Variants in TUBGCP3 observed in about 807,000 individuals in gnomAD.
The protein encoded by TUBGCP3 is tubulin gamma complex component 3.
In TUBGCP3, 50 loss-of-function variants were observed where a neutral mutation model predicts 123.1. That is an observed-to-expected ratio of 0.41 (90% CI 0.32 to 0.51). The LOEUF (loss-of-function observed/expected upper bound fraction) is 0.51, where lower values mean the gene tolerates loss of function less well. Among genes scored for constraint, TUBGCP3 ranks in the 20% least tolerant of loss-of-function variants. The probability of loss-of-function intolerance (pLI) is 0.36; values close to 1 mark genes in which losing one functional copy is unlikely to be tolerated. For synonymous variants in TUBGCP3, 405 were observed against 413.9 expected, an observed-to-expected ratio of 0.98 and a Z score of 0.26; for missense variants, 882 against 1,127.0, an observed-to-expected ratio of 0.78 and a Z score of 3.11.
chr13:112,588,035 G>A lies in TUBGCP3; in HGVS notation c.-55C>T, dbSNP rs1423686294. 10 of 1,356,134 alleles carry A rather than the reference G, an allele frequency of 7.4e-6. No homozygotes were observed. Among genetic ancestry groups the A allele is most frequent in the South Asian group, 1.6e-5 (1 of 63,004 alleles). 84.0% of individuals were successfully genotyped at this position (1,356,134 alleles called of 1,614,324 possible). On this transcript the variant is annotated 5_prime_UTR_variant, in exon 1 of 22. Coordinates refer to ENST00000261965, the MANE Select transcript of TUBGCP3 (RefSeq NM_006322.6). ...GGCAGAGCCGCCACTGCCGCCGCAC[G>A]CGCAGGGACCGCGGCCCGCGCCCTT...
At chr13:112,561,753 G>A (rs1312859423) in intron 3 of TUBGCP3, among the ~76,000 whole-genome samples, 2 of 152,196 alleles carry the variant, frequency 1.3e-5, no homozygotes, top group African/African-American at 2.4e-5. Flanking sequence ...TAGGTGAAGG[G>A]AAAGACGGCA....
At chr13:112,550,436 G>C (rs1441123335) in intron 8 of TUBGCP3, among the ~76,000 whole-genome samples, 1 of 152,070 alleles carries the variant, frequency 6.6e-6, no homozygotes, top group Non-Finnish European at 1.5e-5. Context: ...TAATTTTGTA[G>C]ACACAAAAGG....
chr13:112,576,391 G>A (rs1258456584), intron 1 of TUBGCP3, among the ~76,000 whole-genome samples: 1 of 152,146 alleles, frequency 6.6e-6, no homozygotes, highest in Admixed American at 6.6e-5. Context: ...GCAGTCATGG[G>A]TGAATGAGTT....
intron 1 of TUBGCP3, among the ~76,000 whole-genome samples, chr13:112,585,617 C>G (rs930047312): frequency 2.0e-5 from 3 of 151,992 alleles, no homozygotes; most frequent in Non-Finnish European, 4.4e-5. Flanking sequence ...ACTAAAAACA[C>G]AAAAATTAGC....
At chr13:112,584,109 C>G (rs767027805) in intron 1 of TUBGCP3, 1 of 152,244 alleles carries the variant, frequency 6.6e-6, no homozygotes, top group Non-Finnish European at 1.5e-5. Flanking sequence ...TTATCAGGTT[C>G]TTGTGAAATC....
the TUBGCP3 span, chr13:112,605,139 T>C: frequency 6.6e-6 from 1 of 152,032 alleles, no homozygotes; most frequent in Non-Finnish European, 1.5e-5. Flanking sequence ...AAACCCCGTT[T>C]CTACTAAAAA....
chr13:112,558,228 G>T lies in TUBGCP3; in HGVS notation c.516C>A (p.Gly172=), dbSNP rs200060541. 6.2e-6 allele frequency: 10 copies of T among 1,611,998 alleles called. No individual in the cohort carries two copies. The East Asian group carries it at 2.2e-4, about 36-fold the overall frequency. The change falls in exon 5 of 22, where the codon GGC becomes GGA. Residue 172 remains glycine, a synonymous_variant. Transcript: ENST00000261965. ...ISSIGLCALS[G]PAPAPQSLLP... The stretch of plus-strand genomic sequence containing the variant: ...GGAGAGATTGTGGCGCAGGCGCGGG[G>T]CCACTGAGGGCACACAGGCCAATGC...
At chr13:112,587,629 C>A (rs1201798850) in intron 1 of TUBGCP3, among the ~76,000 whole-genome samples, 1 of 152,130 alleles carries the variant, frequency 6.6e-6, no homozygotes, top group African/African-American at 2.4e-5. Flanking sequence ...TCCGCCCTCC[C>A]GCCTCCCGCC....
chr13:112,497,775 G>A (rs767933235), intron 20 of TUBGCP3, among the ~76,000 whole-genome samples: 22 of 152,158 alleles, frequency 1.4e-4, no homozygotes, highest in Non-Finnish European at 2.8e-4. Flanking sequence ...TAACACAATG[G>A]TAAGTATTGT....
At chr13:112,577,725 G>A (rs1881939554) in intron 1 of TUBGCP3, among the ~76,000 whole-genome samples, 1 of 152,170 alleles carries the variant, frequency 6.6e-6, no homozygotes, top group South Asian at 2.1e-4. Flanking sequence ...CAATTTTTCT[G>A]TAAGTCTATC....
intron 17 of TUBGCP3, among the ~76,000 whole-genome samples, chr13:112,513,585 TG>T (rs1881817419): frequency 6.6e-6 from 1 of 152,236 alleles, no homozygotes; most frequent in Non-Finnish European, 1.5e-5. Flanking sequence ...TGGCAGCTGT[TG>T]ATGGGAGCTC....
chr13:112,568,598 C>T (rs747663861), intron 2 of TUBGCP3, among the ~76,000 whole-genome samples: 24 of 152,258 alleles, frequency 1.6e-4, no homozygotes, highest in Admixed American at 9.8e-4. Context: ...AGACCCAAGG[C>T]CAACATCTAC....
intron 21 of TUBGCP3, among the ~76,000 whole-genome samples, chr13:112,487,974 A>C (rs568329963): frequency 2.0e-5 from 3 of 152,056 alleles, no homozygotes; most frequent in East Asian, 3.9e-4. Context: ...TCTACTAAAA[A>C]TACAACAATT....
chr13:112,518,229 CCT>C (rs1048659940), intron 16 of TUBGCP3, among the ~76,000 whole-genome samples: 12 of 152,014 alleles, frequency 7.9e-5, no homozygotes, highest in Admixed American at 5.9e-4. Flanking sequence ...TGATATGCAC[CCT>C]GAGAGGCGGG....
chr13:112,526,390 A>T (rs892611997), intron 13 of TUBGCP3, among the ~76,000 whole-genome samples: 2 of 150,568 alleles, frequency 1.3e-5, no homozygotes, highest in African/African-American at 4.9e-5. Flanking sequence ...CATTACCACC[A>T]TCATCACCAT....
Position 112,519,935 on chromosome 13 carries a change from T to C in TUBGCP3, c.1832A>G (p.Gln611Arg). The C allele has an allele frequency of 6.2e-7, 1 of 1,614,048 alleles. No homozygotes were observed. The highest frequency in any genetic ancestry group is 8.5e-7 in the Non-Finnish European group (1 of 1,179,882). Residue 611 changes from glutamine (Q) to arginine (R), a missense_variant, in exon 15 of 22, where the codon CAG becomes CGG. Gln to Arg is a conservative substitution (Grantham distance 43). Around this residue, in one of 3 missense-constraint regions of TUBGCP3, gnomAD observed 713 missense variants for 874.0 expected, o/e 0.82. Transcript: ENST00000261965. The surrounding 1 kb of genome is among the most constrained non-coding windows in gnomAD (Gnocchi z 6.2). ...TCGCAGGATCTCAGGACTGTCAAAC[T>C]GTGCGTTGGTGGCTCTGACAGCGGT... ...LETAVRATNA[Q>R]FDSPEILRRL... is the part of the protein sequence containing the mutation.
chr13:112,488,445 C>T (rs558798374), intron 21 of TUBGCP3, among the ~76,000 whole-genome samples: 81 of 152,334 alleles, frequency 5.3e-4, no homozygotes, highest in Non-Finnish European at 9.1e-4. Context: ...CCCAGCCTTC[C>T]GGGGTCTACA....
intron 16 of TUBGCP3, among the ~76,000 whole-genome samples, chr13:112,517,945 A>G (rs940392601): frequency 7.2e-5 from 11 of 152,184 alleles, no homozygotes; most frequent in African/African-American, 2.7e-4. Flanking sequence ...TGCTTTTTGC[A>G]TTGTAACTAT....
At position 112,519,520 on chromosome 13, in the gene TUBGCP3, G is replaced by A. The variant is rs761199218; in HGVS notation, c.1881+366C>T. On this transcript the variant is annotated intron_variant, in intron 15 of 21. Coordinates refer to ENST00000261965, the MANE Select transcript of TUBGCP3 (RefSeq NM_006322.6). The surrounding 1 kb of genome is among the most constrained non-coding windows in gnomAD (Gnocchi z 6.2). The stretch of plus-strand genomic sequence containing the variant: ...CATCCATTTTCTGATAAATACCATC[G>A]TACACCATGTCTTGTGCTCCTGTTG... Among the ~76,000 whole-genome samples the A allele has an allele frequency of 1.8e-4, 27 of 152,102 alleles. No individual in the cohort carries two copies. Among genetic ancestry groups the A allele is most frequent in the African/African-American group, 4.3e-4 (18 of 41,410 alleles).
Sources: allele counts gnomAD v4.1 joint callset (sites outside exome capture counted in the v4.1 genomes callset), GRCh38; gene constraint gnomAD v4.1.1; regional missense constraint gnomAD v4.1.1; non-coding constraint Gnocchi (gnomAD v3.1); transcripts MANE v1.5; gene names NCBI Gene and HGNC (gene_info 2026-07-23, HGNC 2026-07-21).